Variants in DGAT2 observed in about 807,000 individuals in gnomAD.
DGAT2 encodes the protein diacylglycerol O-acyltransferase 2.
DGAT2 carries 33 observed loss-of-function variants against 48.4 expected under a neutral mutation model. That is an observed-to-expected ratio of 0.68 (90% CI 0.52 to 0.91). The LOEUF is 0.91. Ranked by LOEUF, DGAT2 falls within the 40% of genes least tolerant of loss-of-function variation. DGAT2 has a pLI of 0.00. For synonymous variants in DGAT2, 191 were observed against 194.1 expected (o/e 0.98, Z 0.13); for missense variants, 446 against 493.7 (o/e 0.90, Z 0.92).
chr11:75,792,274 A>G (rs983728877), intron 4 of DGAT2: 5 of 152,222 alleles, frequency 3.3e-5, no homozygotes, highest in East Asian at 1.9e-4. Context: ...GGCACATACA[A>G]CCTGGCCCTG....
In DGAT2 at chr11:75,799,611, A is replaced by AT. The variant is rs926223340; in HGVS notation, c.1013-729dup. ...TCTCCTGCCCTTAACCACACTTTTTATTTTTTTTTTTTTTATTTTTGAGAC... is the reference window on the plus strand; with the variant it reads ...TCTCCTGCCCTTAACCACACTTTTTATTTTTTTTTTTTTTTATTTTTGAGAC... On this transcript the variant is annotated intron_variant, in intron 7 of 7. Coordinates refer to ENST00000228027, the MANE Select transcript of DGAT2 (RefSeq NM_032564.5). 3.3e-3 allele frequency among the ~76,000 whole-genome samples: 466 copies of AT among 143,166 alleles called. 1 individual carries two copies. Among genetic ancestry groups the AT allele is most frequent in the South Asian group, 5.5e-3 (25 of 4,520 alleles). The allele number at this position is 143,166 out of a possible 152,430, so 93.9% of individuals were successfully genotyped here.
chr11:75,796,262 C>T (rs1945050740), intron 4 of DGAT2, 66 bp from the exon 5 acceptor site: 12 of 1,425,092 alleles, frequency 8.4e-6, no homozygotes, highest in South Asian at 8.4e-5. Context: ...TCCCTCCCTA[C>T]CCTCCGGGTA....
Position 75,769,038 on chromosome 11 carries a change from G to T in DGAT2, c.47G>T (p.Arg16Leu), listed in dbSNP as rs1944728909. The T allele has an allele frequency of 1.3e-6, 2 of 1,576,378 alleles. No individual in the cohort carries two copies. Among genetic ancestry groups the T allele is most frequent in the Non-Finnish European group, 8.6e-7 (1 of 1,163,988 alleles). The change falls in exon 1 of 8, where the codon CGT becomes CTT. Residue 16 changes from arginine to leucine, a missense_variant. Transcript: ENST00000228027. ...TACTCCGGGGTCCTGCGCGGCGAGC[G>T]TCAGGCCGAGGCTGACCGGAGCCAG... is the stretch of plus-strand genomic sequence containing the variant. Reference protein sequence around the residue: ...AAYSGVLRGERQAEADRSQRS... With the variant: ...AAYSGVLRGELQAEADRSQRS...
chr11:75,798,469 C>T, intron 7 of DGAT2, 40 bp downstream of exon 7: 1 of 1,602,428 alleles, frequency 6.2e-7, no homozygotes, highest in South Asian at 1.1e-5. Context: ...GTCCTGAACA[C>T]AGGGTGCCAT....
chr11:75,781,104 A>T (rs1223465412), intron 1 of DGAT2, among the ~76,000 whole-genome samples: 1 of 152,178 alleles, frequency 6.6e-6, no homozygotes, highest in Non-Finnish European at 1.5e-5. Flanking sequence ...CCTGAGGAGG[A>T]TGCTCTTTTG....
intron 2 of DGAT2, among the ~76,000 whole-genome samples, chr11:75,786,473 C>A (rs1280639549): frequency 6.6e-6 from 1 of 152,144 alleles, no homozygotes; most frequent in Non-Finnish European, 1.5e-5. Context: ...TGGGTCTGGG[C>A]CTGGCTGGTA....
intron 1 of DGAT2, among the ~76,000 whole-genome samples, chr11:75,782,369 A>T (rs1389418075): frequency 6.6e-6 from 1 of 152,226 alleles, no homozygotes; most frequent in Non-Finnish European, 1.5e-5. Flanking sequence ...TGCTGTTCCC[A>T]GACCACGCTT....
chr11:75,790,107 G>A, intron 2 of DGAT2, 81 bp from the exon 3 acceptor site: 1 of 1,057,060 alleles, frequency 9.5e-7, no homozygotes. Flanking sequence ...TAGTGCCACA[G>A]TAAACACTCA....
intron 1 of DGAT2, among the ~76,000 whole-genome samples, chr11:75,780,433 G>A (rs955722888): frequency 6.6e-5 from 10 of 152,158 alleles, no homozygotes; most frequent in Admixed American, 2.0e-4. Context: ...GAGGGTGGGT[G>A]CCAGAGATCA....
intron 2 of DGAT2, among the ~76,000 whole-genome samples, chr11:75,786,536 G>A (rs1944924528): frequency 6.6e-6 from 1 of 152,172 alleles, no homozygotes; most frequent in Admixed American, 6.5e-5. Context: ...GATGGGGACT[G>A]GCCCCAGGCT....
intron 6 of DGAT2, among the ~76,000 whole-genome samples, chr11:75,797,567 CGA>C (rs1945070677): frequency 3.3e-5 from 5 of 152,134 alleles, no homozygotes; most frequent in Admixed American, 2.6e-4. Context: ...GCAGGTGGGC[CGA>C]GAGTCCAGGC....
chr11:75,771,631 T>C (rs1372732007), intron 1 of DGAT2, among the ~76,000 whole-genome samples: 3 of 151,828 alleles, frequency 2.0e-5, no homozygotes, highest in Non-Finnish European at 1.5e-5. Context: ...TTGTTGGGGG[T>C]AACTGGGAAC....
intron 1 of DGAT2, among the ~76,000 whole-genome samples, chr11:75,773,146 A>G (rs947871773): frequency 6.6e-6 from 1 of 152,224 alleles, no homozygotes; most frequent in African/African-American, 2.4e-5. Context: ...CATTAGTGGG[A>G]CTGCCCCATT....
chr11:75,773,015 A>C (rs1944772811), intron 1 of DGAT2, among the ~76,000 whole-genome samples: 1 of 152,166 alleles, frequency 6.6e-6, no homozygotes, highest in South Asian at 2.1e-4. Flanking sequence ...GAACAAACAG[A>C]AAAAGAATAT....
Position 75,790,690 on chromosome 11 carries a change from T to C in DGAT2, c.388T>C (p.Trp130Arg), listed in dbSNP as rs764781874. Residue 130 changes from tryptophan (W) to arginine (R), a missense_variant, in exon 4 of 8, where the codon TGG becomes CGG. By Grantham distance (101) the Trp-to-Arg change is moderately radical (BLOSUM62 -3). Coordinates refer to ENST00000228027, the MANE Select transcript of DGAT2 (RefSeq NM_032564.5). ...GGRRSQWVRN[W>R]AVWRYFRDYF... ...CAGGAGGTCACAGTGGGTCCGAAAC[T>C]GGGCTGTGTGGCGCTACTTTCGAGA... 1.9e-6 allele frequency: 3 copies of C among 1,613,950 alleles called. No homozygotes were observed. The African/African-American group carries it at 4.0e-5, about 22-fold the overall frequency.
intron 2 of DGAT2, among the ~76,000 whole-genome samples, chr11:75,788,299 C>G (rs1016119410): frequency 1.3e-5 from 2 of 152,168 alleles, no homozygotes; most frequent in Non-Finnish European, 2.9e-5. Context: ...ACTTTGTAGG[C>G]AGCCTTTAGA....
chr11:75,797,357 A>G lies in DGAT2; in HGVS notation c.809+25A>G, dbSNP rs756817514. Reference sequence around the variant, plus strand: ...GGTGAGTGCCTCCCTACACACACACACACCCCTCCAGTGCCCCTCAGCCCA... The same window carrying G: ...GGTGAGTGCCTCCCTACACACACACGCACCCCTCCAGTGCCCCTCAGCCCA... On this transcript the variant is annotated intron_variant, in intron 6 of 7. Coordinates refer to ENST00000228027, the MANE Select transcript of DGAT2 (RefSeq NM_032564.5). The G allele has an allele frequency of 3.5e-6, 5 of 1,431,424 alleles. No homozygotes were observed. In the East Asian group the frequency reaches 1.3e-4, roughly 38 times the overall value. The allele number at this position is 1,431,424 out of a possible 1,614,324, so 88.7% of individuals were successfully genotyped here. A position where few individuals can be genotyped will look rare whatever the true frequency, so the allele number is the denominator to read the frequency against.
chr11:75,787,534 A>G (rs985566963), intron 2 of DGAT2, among the ~76,000 whole-genome samples: 1 of 152,206 alleles, frequency 6.6e-6, no homozygotes. Context: ...TGATGTGTGA[A>G]AGTGGTCCTG....
At chr11:75,790,513 G>T (rs1270177573) in intron 3 of DGAT2, 148 bp from the exon 4 acceptor site, 2 of 859,494 alleles carry the variant, frequency 2.3e-6, no homozygotes, top group Non-Finnish European at 4.0e-6. Flanking sequence ...ATAACATGAA[G>T]GAATGAATGT....
Sources: gnomAD v4.1 joint callset for allele counts (sites outside exome capture counted in the v4.1 genomes callset) on GRCh38, gnomAD v4.1.1 for gene constraint, MANE v1.5 for transcripts, NCBI Gene and HGNC (gene_info 2026-07-23, HGNC 2026-07-21) for gene names.